Variants in FOXP1 observed in about 807,000 individuals in gnomAD.
The protein encoded by FOXP1 is forkhead box P1.
FOXP1 carries 15 observed loss-of-function variants against 98.2 expected under a neutral mutation model. The observed-to-expected ratio is 0.15, with a 90% CI of 0.10 to 0.24. The LOEUF (loss-of-function observed/expected upper bound fraction) is 0.24. Among genes scored for constraint, FOXP1 ranks in the 10% least tolerant of loss-of-function variants. FOXP1 has a pLI of 1.00. For missense variants in FOXP1, 633 were observed against 848.5 expected (o/e 0.75, Z 3.15); for synonymous variants, 371 against 314.5 (o/e 1.18, Z -1.90).
Position 71,215,295 on chromosome 3 carries a change from C to T in FOXP1, c.-11-16903G>A, listed in dbSNP as rs577310725. The stretch of plus-strand genomic sequence containing the variant: ...AGCAATATTTATTCTATAGTTAATA[C>T]AAAATATGCCAGGCCCTGTACTGAG... On this transcript the variant is annotated intron_variant, in intron 5 of 20. Transcript: ENST00000649528. 3.9e-5 allele frequency among the ~76,000 whole-genome samples: 6 copies of T among 152,248 alleles called. No individual in the cohort carries two copies. In the South Asian group the frequency reaches 1.2e-3, roughly 32 times the overall value.
At chr3:71,237,365 C>T (rs879125605) in intron 5 of FOXP1, among the ~76,000 whole-genome samples, 6 of 145,020 alleles carry the variant, frequency 4.1e-5, no homozygotes. Flanking sequence ...TTTTTTTCTA[C>T]TAAGTCTTTG....
At chr3:71,043,940 A>C (rs747140671) in intron 10 of FOXP1, among the ~76,000 whole-genome samples, 1 of 152,238 alleles carries the variant, frequency 6.6e-6, no homozygotes, top group African/African-American at 2.4e-5. Flanking sequence ...GAAAAATGGT[A>C]AATAAAAATA....
intron 5 of FOXP1, chr3:71,244,973 GAAAAAAGA>G (rs1405070575): frequency 6.6e-6 from 1 of 150,886 alleles, no homozygotes; most frequent in Non-Finnish European, 1.5e-5. Flanking sequence ...AAAAAAAAAG[GAAAAAAGA>G]AAAAAAGAAA....
chr3:71,449,108 T>A (rs1200128006), intron 3 of FOXP1, among the ~76,000 whole-genome samples: 1 of 152,206 alleles, frequency 6.6e-6, no homozygotes, highest in Non-Finnish European at 1.5e-5. Context: ...ATCATATTCA[T>A]TGTCATTATT....
intron 2 of FOXP1, among the ~76,000 whole-genome samples, chr3:71,554,965 T>A (rs1480391763): frequency 6.6e-6 from 1 of 152,206 alleles, no homozygotes; most frequent in Non-Finnish European, 1.5e-5. Context: ...ATGTTTATGG[T>A]CAACTTCCTT....
intron 6 of FOXP1, among the ~76,000 whole-genome samples, chr3:71,190,283 C>G (rs2062885486): frequency 6.6e-6 from 1 of 152,020 alleles, no homozygotes; most frequent in Non-Finnish European, 1.5e-5. Context: ...CCCTCCACCC[C>G]CATTTTCTTC....
At chr3:71,169,460 C>A (rs1483393116) in intron 6 of FOXP1, among the ~76,000 whole-genome samples, 1 of 152,102 alleles carries the variant, frequency 6.6e-6, no homozygotes, top group Non-Finnish European at 1.5e-5. Context: ...CCAGGGAGAG[C>A]CTAATGCAAA....
At chr3:71,160,438 A>T (rs1439858583) in intron 6 of FOXP1, among the ~76,000 whole-genome samples, 2 of 152,222 alleles carry the variant, frequency 1.3e-5, no homozygotes, top group African/African-American at 4.8e-5. Flanking sequence ...GGTCCTGAAA[A>T]GTGATCCTGA....
intron 3 of FOXP1, among the ~76,000 whole-genome samples, chr3:71,397,180 C>T (rs1164818375): frequency 6.8e-6 from 1 of 147,632 alleles, no homozygotes; most frequent in Non-Finnish European, 1.5e-5. Flanking sequence ...GTGTACCTTT[C>T]CCACTTTATA....
intron 12 of FOXP1, among the ~76,000 whole-genome samples, chr3:71,004,251 T>C (rs1459618627): frequency 6.6e-6 from 1 of 151,682 alleles, no homozygotes; most frequent in African/African-American, 2.4e-5. Flanking sequence ...TCAGCAGAAA[T>C]AGCTCTGGGA....
intron 4 of FOXP1, among the ~76,000 whole-genome samples, chr3:71,338,916 G>C (rs2076846986): frequency 6.6e-6 from 1 of 152,174 alleles, no homozygotes; most frequent in Admixed American, 6.5e-5. Flanking sequence ...CACTAGCTTT[G>C]AGTCAAGATA....
chr3:71,553,983 T>C (rs940951945), intron 2 of FOXP1, among the ~76,000 whole-genome samples: 2 of 152,230 alleles, frequency 1.3e-5, no homozygotes, highest in African/African-American at 4.8e-5. Context: ...CTTCCAAGTA[T>C]GGTACATATT....
intron 3 of FOXP1, among the ~76,000 whole-genome samples, chr3:71,414,785 C>T (rs1278517775): frequency 1.3e-5 from 2 of 152,306 alleles, no homozygotes; most frequent in African/African-American, 2.4e-5. Context: ...AAGACAATCA[C>T]AGAGCATGCA....
intron 3 of FOXP1, among the ~76,000 whole-genome samples, chr3:71,464,596 C>T (rs1247545548): frequency 6.6e-6 from 1 of 152,146 alleles, no homozygotes; most frequent in Non-Finnish European, 1.5e-5. Flanking sequence ...ATGCCCTCCC[C>T]CCGACCTGGC....
intron 12 of FOXP1, among the ~76,000 whole-genome samples, chr3:71,005,223 A>G (rs2042612373): frequency 6.8e-6 from 1 of 147,202 alleles, no homozygotes; most frequent in Non-Finnish European, 1.5e-5. Flanking sequence ...AGCATCTCTT[A>G]GCCAGTGAGC....
chr3:71,572,891 T>G (rs956812909), intron 2 of FOXP1: 2 of 152,172 alleles, frequency 1.3e-5, no homozygotes, highest in African/African-American at 4.8e-5. Flanking sequence ...ATAAATAGCT[T>G]TGTAAATATC....
intron 2 of FOXP1, among the ~76,000 whole-genome samples, chr3:71,531,056 T>A (rs747845127): frequency 6.6e-6 from 1 of 152,260 alleles, no homozygotes; most frequent in Non-Finnish European, 1.5e-5. Flanking sequence ...TGTTTCTCAC[T>A]TCCTTATGTT....
intron 13 of FOXP1, among the ~76,000 whole-genome samples, chr3:70,997,535 TAA>T (rs1234734472): frequency 6.6e-6 from 1 of 152,216 alleles, no homozygotes; most frequent in Non-Finnish European, 1.5e-5. Flanking sequence ...CTTTAAATAC[TAA>T]AAATTGCTAA....
chr3:71,490,295 G>A (rs758990198), intron 3 of FOXP1, among the ~76,000 whole-genome samples: 13 of 151,998 alleles, frequency 8.6e-5, no homozygotes, highest in African/African-American at 1.7e-4. Flanking sequence ...TCAGGAGTTC[G>A]AGACCAGCCT....
Sources: allele counts gnomAD v4.1 joint callset (sites outside exome capture counted in the v4.1 genomes callset), GRCh38; gene constraint gnomAD v4.1.1; transcripts MANE v1.5; gene names NCBI Gene and HGNC (gene_info 2026-07-23, HGNC 2026-07-21).